NBAS: variants seen among roughly 807,000 people sequenced by gnomAD.
The protein encoded by NBAS is NBAS subunit of NRZ tethering complex.
Under a neutral mutation model 302.5 loss-of-function variants are expected in NBAS, and 219 were observed. The observed-to-expected ratio is 0.72, with a 90% confidence interval of 0.65 to 0.81. The LOEUF is 0.81. Ranked by LOEUF, NBAS falls within the 30% of genes least tolerant of loss-of-function variation. The pLI, the probability that NBAS is intolerant of heterozygous loss-of-function variation, is 0.00. For missense variants in NBAS, 2,932 were observed against 2,841.6 expected, an observed-to-expected ratio of 1.03 and a Z score of -0.72; for synonymous variants, 1,118 against 1,021.6, an observed-to-expected ratio of 1.09 and a Z score of -1.80.
the NBAS span, among the ~76,000 whole-genome samples, chr2:15,117,074 C>T: frequency 4.6e-5 from 7 of 152,068 alleles, no homozygotes; most frequent in Non-Finnish European, 7.4e-5. Flanking sequence ...GGCAGTTGTG[C>T]CCTTCGCAAT....
the NBAS span, among the ~76,000 whole-genome samples, chr2:14,948,813 G>T: frequency 6.6e-6 from 1 of 152,092 alleles, no homozygotes; most frequent in Non-Finnish European, 1.5e-5. Flanking sequence ...AAAGGTGGAG[G>T]CATCACATCT....
rs1226154649 is a variant in NBAS, at chr2:15,507,009, T to C, written c.886-2796A>G. 3.3e-5 allele frequency among the ~76,000 whole-genome samples: 5 copies of C among 152,314 alleles called. No homozygotes were observed. The South Asian group carries it at 1.0e-3, about 32-fold the overall frequency. On this transcript the variant is annotated intron_variant, in intron 10 of 51. Coordinates refer to ENST00000281513, the MANE Select transcript of NBAS (RefSeq NM_015909.4). ...AATTGGAAACAAGTACAGACAACTCTTGAGCATTGTAAGGAAAGGAAAAGA... is the reference window on the plus strand; with the variant it reads ...AATTGGAAACAAGTACAGACAACTCCTGAGCATTGTAAGGAAAGGAAAAGA...
intron 32 of NBAS, among the ~76,000 whole-genome samples, chr2:15,360,746 C>CTG (rs980436946): frequency 2.7e-5 from 4 of 148,366 alleles, no homozygotes; most frequent in Admixed American, 1.4e-4. Context: ...TGGGTCAGGA[C>CTG]ATCAATATCA....
chr2:14,956,299 T>C, the NBAS span, among the ~76,000 whole-genome samples: 1 of 152,180 alleles, frequency 6.6e-6, no homozygotes, highest in Admixed American at 6.5e-5. Flanking sequence ...GTTCCAAACT[T>C]TCCCATATCT....
At chr2:15,384,596 GTTTTT>G (rs1020058079) in intron 28 of NBAS, among the ~76,000 whole-genome samples, 1 of 150,316 alleles carries the variant, frequency 6.7e-6, no homozygotes, top group Non-Finnish European at 1.5e-5. Context: ...AATACATCTT[GTTTTT>G]TTATTTTTTA....
intron 51 of NBAS, among the ~76,000 whole-genome samples, chr2:15,168,622 A>G (rs774560865): frequency 6.6e-6 from 1 of 152,054 alleles, no homozygotes; most frequent in Admixed American, 6.6e-5. Context: ...ATGATAAGTA[A>G]TTTTATTTTA....
At chr2:14,973,048 T>A in the NBAS span, among the ~76,000 whole-genome samples, 341 of 152,332 alleles carry the variant, frequency 2.2e-3, no homozygotes, top group African/African-American at 8.0e-3. Context: ...CACGCCACCC[T>A]GATCCTCTTT....
rs546951121 is a variant in NBAS at position 15,447,415 on chromosome 2, A to T, written c.2339+13786T>A. On this transcript the variant is annotated intron_variant, in intron 21 of 51. Coordinates refer to ENST00000281513, the MANE Select transcript of NBAS (RefSeq NM_015909.4). ...TTTATGTTTTCCCAGAGTTTAGGTA[A>T]AATAGTTCTCTTGGTCCCTTGATTA... 7.2e-5 allele frequency among the ~76,000 whole-genome samples: 11 copies of T among 152,294 alleles called. No individual in the cohort carries two copies. The South Asian group carries it at 2.3e-3, about 32-fold the overall frequency.
intron 11 of NBAS, among the ~76,000 whole-genome samples, chr2:15,490,496 T>C (rs1262776382): frequency 6.6e-6 from 1 of 152,144 alleles, no homozygotes; most frequent in Non-Finnish European, 1.5e-5. Context: ...TCCTCTAAGA[T>C]GGGATCAGGG....
chr2:15,371,782 G>C (rs1183297139), intron 31 of NBAS, among the ~76,000 whole-genome samples: 1 of 152,138 alleles, frequency 6.6e-6, no homozygotes, highest in Non-Finnish European at 1.5e-5. Flanking sequence ...AGGGGGGATG[G>C]AAAGAGGGCA....
At chr2:14,955,726 C>G in the NBAS span, among the ~76,000 whole-genome samples, 2 of 152,202 alleles carry the variant, frequency 1.3e-5, no homozygotes, top group Non-Finnish European at 2.9e-5. Flanking sequence ...TCCTTTTAGC[C>G]ACAGCTTGAG....
chr2:15,138,437 A>G, the NBAS span, among the ~76,000 whole-genome samples: 66,001 of 151,924 alleles, frequency 0.43, 15,468 homozygotes, highest in Non-Finnish European at 0.53. Context: ...GATCAGCCTC[A>G]TGGACAAAAT....
Position 15,182,629 on chromosome 2 carries a change from C to T in NBAS, c.6712-3513G>A, listed in dbSNP as rs537740155. ...GGGTCAGTCACAAATAGCGGGACCT[C>T]GGAATTTTACATCTATAAATGCCAA... is the stretch of plus-strand genomic sequence containing the variant. On this transcript the variant is annotated intron_variant, in intron 50 of 51. Coordinates refer to ENST00000281513, the MANE Select transcript of NBAS (RefSeq NM_015909.4). 2.3e-4 allele frequency among the ~76,000 whole-genome samples: 35 copies of T among 152,256 alleles called. No homozygotes were observed. In the South Asian group the frequency reaches 6.6e-3, roughly 29 times the overall value.
the NBAS span, among the ~76,000 whole-genome samples, chr2:14,994,484 A>C: frequency 4.7e-4 from 72 of 152,190 alleles, no homozygotes; most frequent in Non-Finnish European, 9.1e-4. Flanking sequence ...AGGGTGGGCT[A>C]TGATAATAAC....
chr2:15,150,529 G>C, the NBAS span, among the ~76,000 whole-genome samples: 5 of 152,260 alleles, frequency 3.3e-5, no homozygotes, highest in East Asian at 9.6e-4. Flanking sequence ...TAAATCCAAT[G>C]TTAAATTTGG....
intron 25 of NBAS, among the ~76,000 whole-genome samples, chr2:15,406,289 T>C (rs1676412091): frequency 6.6e-6 from 1 of 152,124 alleles, no homozygotes; most frequent in South Asian, 2.1e-4. Context: ...AATTTAGGTA[T>C]ATGACAAAGG....
the NBAS span, among the ~76,000 whole-genome samples, chr2:15,049,276 T>A: frequency 1.6e-4 from 24 of 152,196 alleles, no homozygotes; most frequent in African/African-American, 5.5e-4. Flanking sequence ...GAGTCAGGCT[T>A]TGGCCACCTG....
At chr2:15,535,813 A>G (rs1663478057) in intron 8 of NBAS, among the ~76,000 whole-genome samples, 1 of 152,244 alleles carries the variant, frequency 6.6e-6, no homozygotes, top group South Asian at 2.1e-4. Context: ...ACAGATACAG[A>G]GGGATGACTG....
rs114974691 is a variant in NBAS at position 15,378,085 on chromosome 2, T to C, written c.3590+1517A>G. ...TTTGCTAGAGACCATAGCCACCTTA[T>C]TACTGAAGAGATTCTACCTTTCTTC... is the stretch of plus-strand genomic sequence containing the variant. On this transcript the variant is annotated intron_variant, in intron 30 of 51. Transcript: ENST00000281513. Among the ~76,000 whole-genome samples, 1,015 of 152,306 alleles carry C rather than the reference T, an allele frequency of 6.7e-3. 10 individuals carry two copies. The highest frequency in any genetic ancestry group is 0.022 in the African/African-American group (927 of 41,580).
Sources: allele counts gnomAD v4.1 joint callset (sites outside exome capture counted in the v4.1 genomes callset), GRCh38; gene constraint gnomAD v4.1.1; transcripts MANE v1.5; gene names NCBI Gene and HGNC (gene_info 2026-07-23, HGNC 2026-07-21).